The following STRN3 variants were observed in gnomAD, a reference collection of about 807,000 sequenced individuals.
STRN3 encodes striatin 3, also known as striatin-3.
Under a neutral mutation model 95.6 loss-of-function variants are expected in STRN3, and 29 were observed. The ratio of observed to expected loss-of-function variants is 0.30; its 90% CI spans 0.23 to 0.41. The LOEUF (loss-of-function observed/expected upper bound fraction) is 0.41. Ranked by LOEUF, STRN3 falls within the 10% of genes least tolerant of loss-of-function variation. The probability of loss-of-function intolerance (pLI) is 1.00; values close to 1 mark genes in which losing one functional copy is unlikely to be tolerated. For missense variants in STRN3, 890 were observed against 972.1 expected (o/e 0.92, Z 1.12); for synonymous variants, 331 against 357.6 (o/e 0.93, Z 0.84).
In STRN3 at chr14:30,947,106, C is replaced by G. The variant is rs141191422; in HGVS notation, c.700G>C (p.Gly234Arg). 1.8e-4 allele frequency: 280 copies of G among 1,595,392 alleles called. No homozygotes were observed. The highest frequency in any genetic ancestry group is 2.2e-4 in the Non-Finnish European group (261 of 1,174,134). ...LNGGESPKQK[G>R]QEIKRSSGDV... is the part of the protein sequence containing the mutation. ...AAATCATACCTTTTTATTTCTTGTCCCTTTTGCTTAGGAGATTCACCTCCA... is the reference window on the plus strand; with the variant it reads ...AAATCATACCTTTTTATTTCTTGTCGCTTTTGCTTAGGAGATTCACCTCCA... The change falls in exon 5 of 18, where the codon GGA (glycine) becomes CGA (arginine). Residue 234 changes from glycine (G) to arginine (R), a missense_variant. This residue lies in a region of STRN3 where 526 missense variants were observed against 526.3 expected (regional missense o/e 1.00). Transcript: ENST00000357479.
At chr14:30,929,979 A>AAAAAAAAAAAAACAAAAAAAAAAAC (rs1566441550) in intron 7 of STRN3, among the ~76,000 whole-genome samples, 1 of 147,388 alleles carries the variant, frequency 6.8e-6, no homozygotes, top group Non-Finnish European at 1.5e-5. Flanking sequence ...AAAAAAAAAA[A>AAAAAAAAAAAAACAAAAAAAAAAAC]CTCAAATTCC....
intron 1 of STRN3, among the ~76,000 whole-genome samples, chr14:30,960,474 G>A (rs1880136498): frequency 6.6e-6 from 1 of 152,126 alleles, no homozygotes; most frequent in African/African-American, 2.4e-5. Context: ...CTAAAGCATA[G>A]AAGATCACAT....
In STRN3 at chr14:30,968,945, T is replaced by TA. The variant is rs952421850; in HGVS notation, c.283-12704dup. On this transcript the variant is annotated intron_variant, in intron 1 of 17. Coordinates refer to ENST00000357479, the MANE Select transcript of STRN3 (RefSeq NM_001083893.2). Reference sequence around the variant, plus strand: ...TGAATTTTTACCTACATTAAAAGGTTAAAAAAAATATATATTTTGTTTCAA... The same window carrying TA: ...TGAATTTTTACCTACATTAAAAGGTTAAAAAAAAATATATATTTTGTTTCAA... 1.8e-3 allele frequency among the ~76,000 whole-genome samples: 268 copies of TA among 152,036 alleles called. 1 individual carries two copies. The highest frequency in any genetic ancestry group is 5.9e-3 in the African/African-American group (243 of 41,502).
At chr14:30,966,220 G>A (rs558110525) in intron 1 of STRN3, among the ~76,000 whole-genome samples, 98 of 152,298 alleles carry the variant, frequency 6.4e-4, no homozygotes, top group Non-Finnish European at 3.8e-4. Context: ...AAAGGGTCAC[G>A]TGCATCAGGG....
intron 1 of STRN3, among the ~76,000 whole-genome samples, chr14:31,009,542 T>C (rs1052558321): frequency 6.9e-5 from 10 of 144,232 alleles, no homozygotes; most frequent in Non-Finnish European, 1.1e-4. Flanking sequence ...TGAAAAGACA[T>C]GCACCCAAAA....
rs759461852 is a variant in STRN3 at position 31,008,190 on chromosome 14, C to CA, written c.282+17713dup. ...TAGGCAACAGAGTGAGACTCCGTCT[C>CA]AAAAAAAAAAGAAAAAGAAAAGAAA... On this transcript the variant is annotated intron_variant, in intron 1 of 17. Transcript: ENST00000357479. 2.1e-3 allele frequency among the ~76,000 whole-genome samples: 314 copies of CA among 149,858 alleles called. 2 individuals are homozygous for CA. Among genetic ancestry groups the CA allele is most frequent in the African/African-American group, 6.8e-3 (274 of 40,502 alleles).
chr14:30,923,430 G>C lies in STRN3; in HGVS notation c.1100-4324C>G, dbSNP rs79153985. ...CCTTTTCAAATGTATTGATAATCAG[G>C]CCAGAAGGTGCATAGCAATTCTGCA... On this transcript the variant is annotated intron_variant, in intron 8 of 17. Transcript: ENST00000357479. Among the ~76,000 whole-genome samples the C allele has an allele frequency of 1.8e-3, 276 of 152,200 alleles. 5 individuals are homozygous for C. In the East Asian group the frequency reaches 0.032, roughly 17 times the overall value.
chr14:30,949,738 C>G (rs569690574), intron 4 of STRN3, among the ~76,000 whole-genome samples: 45 of 151,952 alleles, frequency 3.0e-4, no homozygotes, highest in African/African-American at 9.9e-4. Flanking sequence ...TGCCACCTGA[C>G]AGCCTTCACA....
chr14:30,956,978 GT>G (rs1879940077), intron 1 of STRN3, among the ~76,000 whole-genome samples: 1 of 152,010 alleles, frequency 6.6e-6, no homozygotes, highest in Non-Finnish European at 1.5e-5. Context: ...GGCCAACATG[GT>G]GAAACCCCCT....
intron 10 of STRN3, among the ~76,000 whole-genome samples, chr14:30,912,554 T>G (rs1227848908): frequency 1.3e-5 from 2 of 152,196 alleles, no homozygotes; most frequent in Non-Finnish European, 2.9e-5. Context: ...GGTACAGTAT[T>G]AACAGTAAAG....
intron 15 of STRN3, among the ~76,000 whole-genome samples, 183 bp downstream of exon 15, chr14:30,905,235 C>T (rs1896430047): frequency 6.6e-6 from 1 of 152,036 alleles, no homozygotes; most frequent in Non-Finnish European, 1.5e-5. Context: ...TCCACCCAAG[C>T]TTTTAAGCAA....
chr14:30,911,123 T>C lies in STRN3; in HGVS notation c.1638A>G (p.Glu546=). 3.1e-6 allele frequency: 5 copies of C among 1,614,098 alleles called. No individual in the cohort carries two copies. Among genetic ancestry groups the C allele is most frequent in the Non-Finnish European group, 2.5e-6 (3 of 1,180,012 alleles). ...CATCAATACCACCACTAAAACACTGTTCTCCATTAGAACTAATAGCTAATG... is the reference window on the plus strand; with the variant it reads ...CATCAATACCACCACTAAAACACTGCTCTCCATTAGAACTAATAGCTAATG... ...VLSLAISSNG[E]QCFSGGIDAT... is the part of the protein sequence containing the mutation. Residue 546 remains glutamate (E), a synonymous_variant, in exon 13 of 18, where the codon GAA becomes GAG. Transcript: ENST00000357479.
chr14:30,998,825 T>C (rs989828782), intron 1 of STRN3, among the ~76,000 whole-genome samples: 2 of 152,194 alleles, frequency 1.3e-5, no homozygotes, highest in Non-Finnish European at 2.9e-5. Flanking sequence ...TATAGTTTTT[T>C]AGTCAGACAC....
chr14:30,987,201 A>G lies in STRN3; in HGVS notation c.283-30959T>C, dbSNP rs1881733292. Among the ~76,000 whole-genome samples the G allele has an allele frequency of 1.3e-5, 2 of 152,170 alleles. 1 individual carries two copies. Among genetic ancestry groups the G allele is most frequent in the African/African-American group, 4.8e-5 (2 of 41,444 alleles). ...AACGTAGAGGCATGGCAGCCGGAAA[A>G]AGAAAATATAAAATACAATTTAAGG... On this transcript the variant is annotated intron_variant, in intron 1 of 17. Coordinates refer to ENST00000357479, the MANE Select transcript of STRN3 (RefSeq NM_001083893.2).
chr14:30,939,485 A>G (rs1331363475), intron 5 of STRN3, among the ~76,000 whole-genome samples: 1 of 152,168 alleles, frequency 6.6e-6, no homozygotes, highest in Non-Finnish European at 1.5e-5. Flanking sequence ...GAAGAAAAAG[A>G]AAAGGTTTGT....
At chr14:30,914,169 A>G (rs1044667422) in intron 9 of STRN3, among the ~76,000 whole-genome samples, 1 of 152,212 alleles carries the variant, frequency 6.6e-6, no homozygotes, top group African/African-American at 2.4e-5. Context: ...AAACTAGTAC[A>G]AACATTGAAA....
rs1417628580 is a variant in STRN3 at position 31,026,371 on chromosome 14, C to T, written c.-186G>A. The T allele has an allele frequency of 4.1e-6, 2 of 489,704 alleles. No individual in the cohort carries two copies. Among genetic ancestry groups the T allele is most frequent in the Non-Finnish European group, 6.8e-6 (2 of 295,674 alleles). The allele number at this position is 489,704 out of a possible 1,614,324, so 30.3% of individuals were successfully genotyped here. A position where few individuals can be genotyped will look rare whatever the true frequency, so the allele number is the denominator to read the frequency against. On this transcript the variant is annotated 5_prime_UTR_variant, in exon 1 of 18. Coordinates refer to ENST00000357479, the MANE Select transcript of STRN3 (RefSeq NM_001083893.2). ...GCCGGCTGCCGCCATTACAATCCCT[C>T]CTCCATCTGCCCGTCTCACTCACTC...
chr14:30,944,529 A>G (rs577240393), intron 5 of STRN3, among the ~76,000 whole-genome samples: 6 of 138,226 alleles, frequency 4.3e-5, no homozygotes, highest in Admixed American at 1.5e-4. Context: ...ATATATACAC[A>G]TATATATACA....
intron 8 of STRN3, among the ~76,000 whole-genome samples, chr14:30,920,246 T>C (rs1304488658): frequency 7.2e-5 from 11 of 152,174 alleles, no homozygotes; most frequent in Non-Finnish European, 5.9e-5. Context: ...TCTAATTTCT[T>C]AGAAATGCTT....
Sources: allele counts gnomAD v4.1 joint callset (sites outside exome capture counted in the v4.1 genomes callset), GRCh38; gene constraint gnomAD v4.1.1; regional missense constraint gnomAD v4.1.1; transcripts MANE v1.5; gene names NCBI Gene and HGNC (gene_info 2026-07-23, HGNC 2026-07-21).